Variants in NCAM1 observed in about 807,000 individuals in gnomAD.
NCAM1 encodes antigen recognized by monoclonal antibody 5.1H11.
Under a neutral mutation model 109.8 loss-of-function variants are expected in NCAM1, and 14 were observed. The observed-to-expected ratio is 0.13, with a 90% CI of 0.08 to 0.20. The LOEUF is 0.20. Among genes scored for constraint, NCAM1 ranks in the 10% least tolerant of loss-of-function variants. NCAM1 has a pLI of 1.00. For synonymous variants in NCAM1, 418 were observed against 442.9 expected (o/e 0.94, Z 0.70); for missense variants, 774 against 1,109.9 (o/e 0.70, Z 4.30).
intron 1 of NCAM1, among the ~76,000 whole-genome samples, chr11:113,170,035 G>C (rs1157054040): frequency 1.3e-5 from 2 of 152,014 alleles, no homozygotes; most frequent in African/African-American, 4.8e-5. Context: ...CAACTCTTTT[G>C]TAGATCAAAG....
At chr11:113,257,049 G>A (rs1945851577) in intron 16 of NCAM1, among the ~76,000 whole-genome samples, 1 of 152,230 alleles carries the variant, frequency 6.6e-6, no homozygotes, top group South Asian at 2.1e-4. Context: ...CTTCTCAGCT[G>A]CAGAGGCCTT....
chr11:113,227,476 G>T (rs1285111863), intron 9 of NCAM1, among the ~76,000 whole-genome samples: 6 of 152,184 alleles, frequency 3.9e-5, no homozygotes, highest in Non-Finnish European at 8.8e-5. Flanking sequence ...GGACCAGACA[G>T]ATTCACAGCC....
intron 1 of NCAM1, among the ~76,000 whole-genome samples, chr11:113,094,667 G>A (rs1472094034): frequency 6.6e-6 from 1 of 152,078 alleles, no homozygotes; most frequent in African/African-American, 2.4e-5. Flanking sequence ...CTTGTTAACT[G>A]CCCCCTGTCT....
In NCAM1 at chr11:113,231,631, C is replaced by A; in HGVS notation, c.1090-14C>A. 1.2e-6 allele frequency: 2 copies of A among 1,612,150 alleles called. No individual in the cohort carries two copies. The highest frequency in any genetic ancestry group is 1.7e-6 in the Non-Finnish European group (2 of 1,178,730). On this transcript the variant is annotated splice_polypyrimidine_tract_variant and intron_variant, in intron 9 of 19. Transcript: ENST00000316851. ...TGGGCTCTGACATGCTCCCTTCCCC[C>A]CCACCCCCGGCAGACTCTGGATGGG... is the stretch of plus-strand genomic sequence containing the variant.
chr11:113,204,870 G>A (rs1302305005), intron 3 of NCAM1, among the ~76,000 whole-genome samples: 1 of 152,130 alleles, frequency 6.6e-6, no homozygotes, highest in Non-Finnish European at 1.5e-5. Context: ...TGGGGTGGGG[G>A]ATCATTATCT....
chr11:113,202,351 TTTG>T, intron 1 of NCAM1, 25 bp from the exon 2 acceptor site: 3 of 1,591,062 alleles, frequency 1.9e-6, no homozygotes, highest in African/African-American at 1.4e-5. Flanking sequence ...TGTTTTTTGT[TTTG>T]TTTTGTTTTG....
At position 113,202,543 on chromosome 11, in the gene NCAM1, G is replaced by A. The variant is rs1328964484; in HGVS notation, c.127+90G>A. 6.1e-6 allele frequency: 7 copies of A among 1,145,962 alleles called. No homozygotes were observed. In the East Asian group the frequency reaches 1.8e-4, roughly 29 times the overall value. The allele number at this position is 1,145,962 out of a possible 1,614,324, so 71.0% of individuals were successfully genotyped here. A position where few individuals can be genotyped will look rare whatever the true frequency, so the allele number is the denominator to read the frequency against. The stretch of plus-strand genomic sequence containing the variant: ...GCCCTCAGGCCATGTGAGCTGGCTG[G>A]TCAAGCCACACCTAGAATTCTTGGC... On this transcript the variant is annotated intron_variant, in intron 2 of 19. Transcript: ENST00000316851.
chr11:113,004,144 T>A lies in NCAM1; in HGVS notation c.52+42480T>A, dbSNP rs368242292. Among the ~76,000 whole-genome samples, 4 of 152,364 alleles carry A rather than the reference T, an allele frequency of 2.6e-5. No individual in the cohort carries two copies. The East Asian group carries it at 7.7e-4, about 29-fold the overall frequency. On this transcript the variant is annotated intron_variant, in intron 1 of 19. Coordinates refer to ENST00000316851, the MANE Select transcript of NCAM1 (RefSeq NM_181351.5). The stretch of plus-strand genomic sequence containing the variant: ...TTTCTCTTTCTAAAATGTTTTTGTT[T>A]ATGTTCTTATTTTTCTTCTGCTGTG...
chr11:113,089,446 T>G (rs1467619416), intron 1 of NCAM1, among the ~76,000 whole-genome samples: 1 of 152,164 alleles, frequency 6.6e-6, no homozygotes, highest in Non-Finnish European at 1.5e-5. Flanking sequence ...ACAACTGTGG[T>G]TAAGACAGTG....
At position 113,231,794 on chromosome 11, in the gene NCAM1, A is replaced by G. The variant is rs1284346007; in HGVS notation, c.1239A>G (p.Gln413=). 8.7e-6 allele frequency: 14 copies of G among 1,613,820 alleles called. No homozygotes were observed. Among genetic ancestry groups the G allele is most frequent in the Non-Finnish European group, 1.1e-5 (13 of 1,179,874 alleles). The change falls in exon 10 of 20, where the codon CAA becomes CAG. Residue 413 remains glutamine, a splice_region_variant and synonymous_variant. Coordinates refer to ENST00000316851, the MANE Select transcript of NCAM1 (RefSeq NM_181351.5). ...CCCAGTCCATGTACCTTGAAGTGCA[A>G]TGTAAGGAATAAATGGGGAAGGACC... The part of the protein sequence containing the change: ...QDSQSMYLEV[Q]YAPKLQGPVA...
At chr11:113,058,820 AAGCCACTGGG>A (rs1953812070) in intron 1 of NCAM1, among the ~76,000 whole-genome samples, 1 of 152,132 alleles carries the variant, frequency 6.6e-6, no homozygotes, top group Non-Finnish European at 1.5e-5. Context: ...CTTTTTCCTG[AAGCCACTGGG>A]AGCACGTTAT....
At chr11:112,985,326 G>T (rs781882029) in intron 1 of NCAM1, among the ~76,000 whole-genome samples, 1 of 151,530 alleles carries the variant, frequency 6.6e-6, no homozygotes, top group Non-Finnish European at 1.5e-5. Context: ...ATCAGATAGG[G>T]TGATGCCTTC....
At chr11:113,241,610 T>A (rs182986919) in intron 14 of NCAM1, among the ~76,000 whole-genome samples, 19 of 152,344 alleles carry the variant, frequency 1.2e-4, no homozygotes, top group African/African-American at 4.1e-4. Context: ...CCTTGCTCAT[T>A]TCTGATCTAA....
intron 1 of NCAM1, among the ~76,000 whole-genome samples, chr11:113,097,671 G>A (rs1256891111): frequency 6.8e-6 from 1 of 147,976 alleles, no homozygotes; most frequent in Non-Finnish European, 1.5e-5. Context: ...ACATACTTTA[G>A]ATAATTGTTA....
chr11:113,089,583 AC>A (rs1331771239), intron 1 of NCAM1, among the ~76,000 whole-genome samples: 2 of 152,146 alleles, frequency 1.3e-5, no homozygotes, highest in Non-Finnish European at 2.9e-5. Context: ...AGCACACAGC[AC>A]CGTGCCTGGC....
At chr11:113,002,038 C>T (rs532607835) in intron 1 of NCAM1, among the ~76,000 whole-genome samples, 277 of 152,260 alleles carry the variant, frequency 1.8e-3, no homozygotes, top group South Asian at 8.3e-3. Flanking sequence ...AACAAAAGCC[C>T]TAGGGGTGAC....
chr11:113,142,323 A>G (rs1429240745), intron 1 of NCAM1, among the ~76,000 whole-genome samples: 3 of 152,206 alleles, frequency 2.0e-5, no homozygotes, highest in Admixed American at 2.0e-4. Context: ...TAGGAAATGT[A>G]CTAGGGCATG....
intron 1 of NCAM1, among the ~76,000 whole-genome samples, chr11:113,093,705 C>T (rs1177017029): frequency 6.6e-6 from 1 of 152,230 alleles, no homozygotes; most frequent in Non-Finnish European, 1.5e-5. Flanking sequence ...CAATCAGGTA[C>T]ATGGAAGTCA....
At chr11:113,176,689 G>C (rs1943155060) in intron 1 of NCAM1, among the ~76,000 whole-genome samples, 2 of 152,164 alleles carry the variant, frequency 1.3e-5, no homozygotes, top group African/African-American at 2.4e-5. Flanking sequence ...TAAGATATGA[G>C]ACATCTGTAA....
Sources: gnomAD v4.1 joint callset for allele counts (sites outside exome capture counted in the v4.1 genomes callset) on GRCh38, gnomAD v4.1.1 for gene constraint, MANE v1.5 for transcripts, NCBI Gene and HGNC (gene_info 2026-07-23, HGNC 2026-07-21) for gene names.